VPS13B: variants seen among roughly 807,000 people sequenced by gnomAD.
The protein encoded by VPS13B is intermembrane lipid transfer protein VPS13B.
A neutral mutation model predicts 426.4 loss-of-function variants in VPS13B; 285 were observed. The observed-to-expected ratio is 0.67, with a 90% CI of 0.61 to 0.74. The LOEUF (loss-of-function observed/expected upper bound fraction) is 0.74. Among genes scored for constraint, VPS13B ranks in the 30% least tolerant of loss-of-function variants. The probability of loss-of-function intolerance (pLI) is 0.00; values close to 1 mark genes in which losing one functional copy is unlikely to be tolerated. For synonymous variants in VPS13B, 1,676 were observed against 1,676.4 expected, an observed-to-expected ratio of 1.00 and a Z score of 0.01; for missense variants, 4,537 against 4,782.6, an observed-to-expected ratio of 0.95 and a Z score of 1.51.
intron 8 of VPS13B, among the ~76,000 whole-genome samples, chr8:99,124,380 G>A (rs543900121): frequency 1.3e-5 from 2 of 152,234 alleles, no homozygotes; most frequent in South Asian, 2.1e-4. Flanking sequence ...AAAATTAAAC[G>A]TAGAATTACC....
At chr8:99,780,656 A>G (rs1811975757) in intron 42 of VPS13B, among the ~76,000 whole-genome samples, 1 of 152,158 alleles carries the variant, frequency 6.6e-6, no homozygotes, top group Non-Finnish European at 1.5e-5. Context: ...TTATACAGGG[A>G]TTTGGCAACG....
At chr8:99,461,966 G>T (rs554931854) in intron 23 of VPS13B, among the ~76,000 whole-genome samples, 1 of 152,222 alleles carries the variant, frequency 6.6e-6, no homozygotes, top group East Asian at 1.9e-4. Context: ...CTAGAATGAG[G>T]TCACATAATT....
chr8:99,526,511 GA>G (rs1269771380), intron 30 of VPS13B, among the ~76,000 whole-genome samples: 2 of 152,116 alleles, frequency 1.3e-5, no homozygotes, highest in Non-Finnish European at 2.9e-5. Flanking sequence ...TCAGATTCTG[GA>G]GATGTTTGAG....
intron 39 of VPS13B, among the ~76,000 whole-genome samples, chr8:99,763,703 T>C (rs940816072): frequency 6.6e-6 from 1 of 152,050 alleles, no homozygotes; most frequent in Non-Finnish European, 1.5e-5. Context: ...AGAGAGAATA[T>C]AGGAGCAATA....
chr8:99,288,844 C>G lies in VPS13B; in HGVS notation c.2824+13590C>G, dbSNP rs76072468. On this transcript the variant is annotated intron_variant, in intron 19 of 61. Transcript: ENST00000357162. ...ATCCAGATATTCACTTGAAAAATAG[C>G]TCTTTGACTATTTGCATGTATTTTG... Among the ~76,000 whole-genome samples, 772 of 152,076 alleles carry G rather than the reference C, an allele frequency of 5.1e-3. 11 individuals carry two copies. Among genetic ancestry groups the G allele is most frequent in the African/African-American group, 0.017 (723 of 41,504 alleles).
chr8:99,126,238 G>A (rs1471736794), intron 8 of VPS13B, among the ~76,000 whole-genome samples: 5 of 152,148 alleles, frequency 3.3e-5, no homozygotes, highest in Admixed American at 3.3e-4. Flanking sequence ...TCTTTAAATA[G>A]TTCTCTTAAC....
chr8:99,644,526 A>G (rs1829500528), intron 34 of VPS13B, among the ~76,000 whole-genome samples: 2 of 152,140 alleles, frequency 1.3e-5, no homozygotes, highest in South Asian at 4.1e-4. Flanking sequence ...CAATTTTGGT[A>G]CATGAAGCTA....
At chr8:99,793,028 A>G (rs1433855416) in intron 43 of VPS13B, among the ~76,000 whole-genome samples, 2 of 150,192 alleles carry the variant, frequency 1.3e-5, no homozygotes, top group African/African-American at 4.9e-5. Flanking sequence ...CAATATGGCA[A>G]GATCCTGTCT....
chr8:99,717,399 T>C (rs1188048476), intron 37 of VPS13B, 26 bp downstream of exon 37: 1 of 1,596,238 alleles, frequency 6.3e-7, no homozygotes. Context: ...CCATATTTTT[T>C]TCATAGGTTA....
chr8:99,652,010 A>G (rs1284752799), intron 34 of VPS13B, among the ~76,000 whole-genome samples: 3 of 152,216 alleles, frequency 2.0e-5, no homozygotes, highest in Non-Finnish European at 4.4e-5. Context: ...ACTAAAATAC[A>G]GAAGTTAAAG....
chr8:99,683,966 G>A (rs1265747973), intron 35 of VPS13B, among the ~76,000 whole-genome samples: 2 of 152,148 alleles, frequency 1.3e-5, no homozygotes, highest in African/African-American at 4.8e-5. Flanking sequence ...GATGTTAGCT[G>A]TAGGCTTTTC....
chr8:99,289,932 C>T (rs1164668985), intron 19 of VPS13B, among the ~76,000 whole-genome samples: 1 of 151,950 alleles, frequency 6.6e-6, no homozygotes, highest in African/African-American at 2.4e-5. Context: ...AAAGAAAAGG[C>T]AAACATTTTA....
At chr8:99,810,701 A>G (rs1813653535) in intron 44 of VPS13B, among the ~76,000 whole-genome samples, 1 of 152,232 alleles carries the variant, frequency 6.6e-6, no homozygotes, top group African/African-American at 2.4e-5. Context: ...AGTATGTGAA[A>G]CAGTCTTTGC....
At chr8:99,098,837 A>G (rs976953782) in intron 4 of VPS13B, among the ~76,000 whole-genome samples, 4 of 152,116 alleles carry the variant, frequency 2.6e-5, no homozygotes, top group African/African-American at 4.8e-5. Flanking sequence ...TGGGATTTCC[A>G]TCTTTACCAT....
chr8:99,592,902 C>T (rs1826764832), intron 33 of VPS13B, among the ~76,000 whole-genome samples: 1 of 152,076 alleles, frequency 6.6e-6, no homozygotes, highest in Non-Finnish European at 1.5e-5. Flanking sequence ...ACACCATATG[C>T]AAAAGTTAAC....
chr8:99,049,323 C>T (rs894828765), intron 3 of VPS13B, among the ~76,000 whole-genome samples: 2 of 151,912 alleles, frequency 1.3e-5, no homozygotes, highest in African/African-American at 2.4e-5. Flanking sequence ...AGAGTCAGCT[C>T]CCCTTTTAGC....
chr8:99,025,456 G>A (rs897019453), intron 2 of VPS13B, among the ~76,000 whole-genome samples: 2 of 152,132 alleles, frequency 1.3e-5, no homozygotes, highest in Non-Finnish European at 2.9e-5. Context: ...TGTGCTATTA[G>A]ATTTGGTTTG....
At chr8:99,718,725 G>A (rs1833016687) in intron 37 of VPS13B, among the ~76,000 whole-genome samples, 1 of 150,062 alleles carries the variant, frequency 6.7e-6, no homozygotes, top group South Asian at 2.1e-4. Context: ...GAAGTGCAGT[G>A]GTGTGATAAC....
intron 43 of VPS13B, among the ~76,000 whole-genome samples, chr8:99,807,409 C>T (rs1813455543): frequency 6.6e-6 from 1 of 150,386 alleles, no homozygotes; most frequent in Admixed American, 6.6e-5. Flanking sequence ...ATCTTAAGTA[C>T]CTTGCCTCAT....
Sources: allele counts gnomAD v4.1 joint callset (sites outside exome capture counted in the v4.1 genomes callset), GRCh38; gene constraint gnomAD v4.1.1; transcripts MANE v1.5; gene names NCBI Gene and HGNC (gene_info 2026-07-23, HGNC 2026-07-21).